Variants in COL15A1 observed in about 807,000 individuals in gnomAD.
The protein encoded by COL15A1 is collagen alpha-1(XV) chain.
Under a neutral mutation model 165.9 loss-of-function variants are expected in COL15A1, and 111 were observed. The ratio of observed to expected loss-of-function variants is 0.67; its 90% confidence interval spans 0.57 to 0.78. The LOEUF (loss-of-function observed/expected upper bound fraction) is 0.78. Ranked by LOEUF, COL15A1 falls within the 30% of genes least tolerant of loss-of-function variation. The pLI is 0.00. For missense variants in COL15A1, 1,745 were observed against 1,789.7 expected (o/e 0.98, Z 0.45); for synonymous variants, 659 against 674.8 (o/e 0.98, Z 0.36).
intron 4 of COL15A1, among the ~76,000 whole-genome samples, chr9:98,988,781 G>A (rs1392431797): frequency 2.6e-5 from 4 of 151,864 alleles, no homozygotes; most frequent in African/African-American, 7.3e-5. Flanking sequence ...AAATTAGCCC[G>A]GCGTGGTGGC....
chr9:99,061,808 T>C (rs993107141), intron 36 of COL15A1, among the ~76,000 whole-genome samples, 163 bp from the exon 37 acceptor site: 3 of 152,226 alleles, frequency 2.0e-5, no homozygotes, highest in African/African-American at 7.2e-5. Context: ...GAATGCCCTT[T>C]AGTTACTAAT....
At chr9:99,027,585 A>C (rs565394291) in intron 16 of COL15A1, among the ~76,000 whole-genome samples, 5 of 152,096 alleles carry the variant, frequency 3.3e-5, no homozygotes, top group African/African-American at 1.2e-4. Context: ...TCTGTCTCGA[A>C]CTTAAAGATA....
intron 35 of COL15A1, among the ~76,000 whole-genome samples, chr9:99,058,605 T>C (rs1421651539): frequency 6.6e-6 from 1 of 152,224 alleles, no homozygotes; most frequent in Non-Finnish European, 1.5e-5. Flanking sequence ...TCTCACATAA[T>C]GTATAGCAAT....
At chr9:99,025,023 C>T in intron 15 of COL15A1, 24 bp downstream of exon 15, 1 of 1,609,282 alleles carries the variant, frequency 6.2e-7, no homozygotes, top group Non-Finnish European at 8.5e-7. Flanking sequence ...GTCTTCTCCC[C>T]ATCTCTGTGG....
At chr9:99,045,834 G>T (rs561729333) in intron 26 of COL15A1, among the ~76,000 whole-genome samples, 6 of 152,358 alleles carry the variant, frequency 3.9e-5, no homozygotes, top group African/African-American at 1.4e-4. Context: ...TTGGGCTAGA[G>T]AATTGTATAC....
intron 5 of COL15A1, among the ~76,000 whole-genome samples, chr9:98,991,284 G>C (rs969913980): frequency 6.6e-6 from 1 of 152,102 alleles, no homozygotes; most frequent in Non-Finnish European, 1.5e-5. Flanking sequence ...CTGCTGATTG[G>C]CCCATTTTAC....
intron 26 of COL15A1, 31 bp from the exon 27 acceptor site, chr9:99,047,755 T>C (rs754167390): frequency 6.2e-7 from 1 of 1,612,676 alleles, no homozygotes; most frequent in Non-Finnish European, 8.5e-7. Flanking sequence ...CTTTCTGTTC[T>C]TTTCTAATCT....
intron 30 of COL15A1, among the ~76,000 whole-genome samples, chr9:99,050,988 A>C: frequency 6.6e-6 from 1 of 152,340 alleles, no homozygotes; most frequent in Non-Finnish European, 1.5e-5. Flanking sequence ...CAGGCTCTAC[A>C]TGGAGACAAC....
intron 35 of COL15A1, among the ~76,000 whole-genome samples, chr9:99,057,447 C>T (rs1825737397): frequency 6.6e-6 from 1 of 152,210 alleles, no homozygotes; most frequent in African/African-American, 2.4e-5. Flanking sequence ...GCCTCACCTC[C>T]TCATATGCAA....
intron 26 of COL15A1, among the ~76,000 whole-genome samples, chr9:99,046,355 T>C (rs1839491746): frequency 1.3e-5 from 2 of 152,188 alleles, no homozygotes; most frequent in African/African-American, 4.8e-5. Context: ...TTCTTAGAAC[T>C]GTAGAACCTC....
chr9:98,963,350 A>T (rs1837893757), intron 2 of COL15A1, among the ~76,000 whole-genome samples: 1 of 152,158 alleles, frequency 6.6e-6, no homozygotes, highest in African/African-American at 2.4e-5. Context: ...GACTTTGGGG[A>T]TCAACTATTC....
intron 1 of COL15A1, 37 bp from the exon 2 acceptor site, chr9:98,944,125 C>G: frequency 6.2e-7 from 1 of 1,614,122 alleles, no homozygotes; most frequent in Non-Finnish European, 8.5e-7. Flanking sequence ...AATACTCTTG[C>G]CCGCCTCACC....
Position 98,963,150 on chromosome 9 carries a change from G to A in COL15A1, c.100+18900G>A, listed in dbSNP as rs183812674. On this transcript the variant is annotated intron_variant, in intron 2 of 41. Transcript: ENST00000375001. ...GATTTCCAAGAATCACTCTTTGGAG[G>A]CAGCCTTCCACCCAGCGTGGTCCAT... Among the ~76,000 whole-genome samples the A allele has an allele frequency of 3.2e-3, 484 of 152,314 alleles. 1 individual carries two copies. Among genetic ancestry groups the A allele is most frequent in the Non-Finnish European group, 5.7e-3 (389 of 68,032 alleles).
At chr9:99,023,173 C>G (rs1053362183) in intron 13 of COL15A1, among the ~76,000 whole-genome samples, 184 bp from the exon 14 acceptor site, 4 of 151,934 alleles carry the variant, frequency 2.6e-5, no homozygotes, top group African/African-American at 9.7e-5. Context: ...AGCTGGGAGG[C>G]GGCAAGAGAG....
At position 99,016,175 on chromosome 9, in the gene COL15A1, G is replaced by A. The variant is rs569034345; in HGVS notation, c.1647+56G>A. On this transcript the variant is annotated intron_variant, in intron 11 of 41. Transcript: ENST00000375001. ...TGGCAGACCTTACAGGGGAGAGAAA[G>A]AAAGGCCAGAGTTGTGGGAAGGGCT... The A allele has an allele frequency of 8.5e-6, 13 of 1,525,614 alleles. No individual in the cohort carries two copies. The South Asian group carries it at 1.4e-4, about 17-fold the overall frequency. 94.5% of individuals were successfully genotyped at this position (1,525,614 alleles called of 1,614,324 possible). A position where few individuals can be genotyped will look rare whatever the true frequency, so the allele number is the denominator to read the frequency against.
At position 99,070,614 on chromosome 9, in the gene COL15A1, C is replaced by T. The variant is rs1018581596; in HGVS notation, c.*728C>T. ...CCCTTGGCGGCTCTCCTCCCCAACC[C>T]CCACCCCACAATTTTATGACTTCCA... On this transcript the variant is annotated 3_prime_UTR_variant, in exon 42 of 42. Transcript: ENST00000375001. 4.4e-6 allele frequency: 2 copies of T among 453,894 alleles called. No homozygotes were observed. Among genetic ancestry groups the T allele is most frequent in the Admixed American group, 2.4e-5 (1 of 42,012 alleles). 28.1% of individuals were successfully genotyped at this position (453,894 alleles called of 1,614,324 possible). A position where few individuals can be genotyped will look rare whatever the true frequency, so the allele number is the denominator to read the frequency against.
chr9:99,054,641 G>T lies in COL15A1; in HGVS notation c.3016G>T (p.Ala1006Ser), dbSNP rs544588080. Residue 1006 changes from alanine (A) to serine (S), a missense_variant, in exon 32 of 42, where the codon GCC becomes TCC. By Grantham distance (99) the Ala-to-Ser change is moderately conservative (BLOSUM62 1). Transcript: ENST00000375001. ...AAAGGGAGAAAAAGGCGACCAGGGA[G>T]CCCAGGGACCACCAGGTATTCCAGC... ...GSKGEKGDQG[A>S]QGPPGPPLDL... 6.2e-7 allele frequency: 1 copy of T among 1,612,502 alleles called. No individual in the cohort carries two copies. The highest frequency in any genetic ancestry group is 1.3e-5 in the African/African-American group (1 of 74,716).
In COL15A1 at chr9:98,944,012, C is replaced by T; in HGVS notation, c.-50C>T. On this transcript the variant is annotated 5_prime_UTR_variant, in exon 1 of 42. It adds an upstream start codon to the 5' untranslated region. Coordinates refer to ENST00000375001, the MANE Select transcript of COL15A1 (RefSeq NM_001855.5). ...CCCTTCGTCCTCCGCTAAGCTCCAACGCTCTGCTCGACTAGCCGCGCGCCT... is the reference window on the plus strand; with the variant it reads ...CCCTTCGTCCTCCGCTAAGCTCCAATGCTCTGCTCGACTAGCCGCGCGCCT... The T allele has an allele frequency of 6.2e-7, 1 of 1,612,326 alleles. No individual in the cohort carries two copies. Among genetic ancestry groups the T allele is most frequent in the Non-Finnish European group, 8.5e-7 (1 of 1,178,942 alleles).
At chr9:99,003,425 T>A (rs370066410) in intron 7 of COL15A1, 28 bp from the exon 8 acceptor site, 2 of 1,429,562 alleles carry the variant, frequency 1.4e-6, no homozygotes, top group African/African-American at 2.9e-5. Flanking sequence ...CCCAGAGACA[T>A]GGTCTCTTGT....
Sources: allele counts gnomAD v4.1 joint callset (sites outside exome capture counted in the v4.1 genomes callset), GRCh38; gene constraint gnomAD v4.1.1; transcripts MANE v1.5; gene names NCBI Gene and HGNC (gene_info 2026-07-23, HGNC 2026-07-21).